The following ACAP1 variants were observed in gnomAD, a reference collection of about 807,000 sequenced individuals.
ACAP1 encodes the protein arf-GAP with coiled-coil, ANK repeat and PH domain-containing protein 1.
In ACAP1, 45 loss-of-function variants were observed where a neutral mutation model predicts 98.8. That is an observed-to-expected ratio of 0.46 (90% confidence interval 0.36 to 0.58). ACAP1 has a LOEUF of 0.58. Among genes scored for constraint, ACAP1 ranks in the 20% least tolerant of loss-of-function variants. ACAP1 has a pLI of 0.00. For missense variants in ACAP1, 735 were observed against 971.4 expected, an observed-to-expected ratio of 0.76 and a Z score of 3.24; for synonymous variants, 362 against 375.3, an observed-to-expected ratio of 0.96 and a Z score of 0.41.
At chr17:7,349,368 C>A (rs1481837221) in intron 18 of ACAP1, 3 of 548,462 alleles carry the variant, frequency 5.5e-6, no homozygotes, top group African/African-American at 3.8e-5. Flanking sequence ...GCTCTCACCT[C>A]TTACAGGAGA....
chr17:7,347,818 G>T (rs1043139921), intron 14 of ACAP1, 104 bp from the exon 15 acceptor site: 14 of 935,320 alleles, frequency 1.5e-5, no homozygotes, highest in Non-Finnish European at 2.4e-5. Context: ...CTCTGCACGG[G>T]CCCCCATGCC....
intron 2 of ACAP1, among the ~76,000 whole-genome samples, chr17:7,338,352 C>T (rs779357902): frequency 1.2e-4 from 19 of 152,068 alleles, no homozygotes; most frequent in Non-Finnish European, 1.6e-4. Flanking sequence ...CTCCCAGGTT[C>T]AAGTGATTCT....
At position 7,343,408 on chromosome 17, in the gene ACAP1, G is replaced by A. The variant is rs746768465; in HGVS notation, c.374G>A (p.Arg125Gln). 13 of 1,613,400 alleles carry A rather than the reference G, an allele frequency of 8.1e-6. No individual in the cohort carries two copies. The highest frequency in any genetic ancestry group is 6.7e-5 in the East Asian group (3 of 44,888). The change falls in exon 6 of 22, where the codon CGG (arginine) becomes CAG (glutamine). Residue 125 changes from arginine (R) to glutamine (Q), a missense_variant. Coordinates refer to ENST00000158762, the MANE Select transcript of ACAP1 (RefSeq NM_014716.4). This position sits in a 1 kb window ranked among gnomAD's most constrained non-coding sequence, Gnocchi z 4.9. Reference sequence around the variant, plus strand: ...CTGCGGGGTTTCCGAGAGGCTCGCCGGGATTTCTGGCGGGGGGCTGAGAGC... The same window carrying A: ...CTGCGGGGTTTCCGAGAGGCTCGCCAGGATTTCTGGCGGGGGGCTGAGAGC... ...EGLRGFREAR[R>Q]DFWRGAESLE...
At chr17:7,338,766 G>A (rs2073245596) in intron 2 of ACAP1, among the ~76,000 whole-genome samples, 1 of 144,182 alleles carries the variant, frequency 6.9e-6, no homozygotes, top group Admixed American at 6.9e-5. Context: ...AGGCTGGTCT[G>A]GAACTCCTGG....
Position 7,347,009 on chromosome 17 carries a change from T to G in ACAP1, c.1132-22T>G. ...TTTACCCTAGGCCCCTTGGCCACCC[T>G]TTCTTCCCCTCTCTCCCCCAGGGCT... On this transcript the variant is annotated intron_variant, in intron 13 of 21. Coordinates refer to ENST00000158762, the MANE Select transcript of ACAP1 (RefSeq NM_014716.4). 3 of 1,569,500 alleles carry G rather than the reference T, an allele frequency of 1.9e-6. No homozygotes were observed. The South Asian group carries it at 3.5e-5, about 18-fold the overall frequency.
At chr17:7,347,600 G>T (rs552716164) in intron 14 of ACAP1, 1 of 537,998 alleles carries the variant, frequency 1.9e-6, no homozygotes, top group Admixed American at 3.3e-5. Flanking sequence ...CCCCACCTCA[G>T]TGTGGTGGAA....
At position 7,336,552 on chromosome 17, in the gene ACAP1, G is replaced by A. The variant is rs1312969723; in HGVS notation, c.-183G>A. On this transcript the variant is annotated 5_prime_UTR_variant, in exon 1 of 22. Coordinates refer to ENST00000158762, the MANE Select transcript of ACAP1 (RefSeq NM_014716.4). ...CCAGCACTGCCTGGAAGTGTGGGGT[G>A]AGAGCTCCTCCTAGGACACCCCTTT... 6.1e-5 allele frequency: 38 copies of A among 618,282 alleles called. No homozygotes were observed. The highest frequency in any genetic ancestry group is 1.5e-4 in the South Asian group (8 of 55,108). 38.3% of individuals were successfully genotyped at this position (618,282 alleles called of 1,614,324 possible).
chr17:7,350,161 C>A lies in ACAP1; in HGVS notation c.1996C>A (p.Leu666Met). ...CCTGTTCCTGAAACGGGGAGCTGAT[C>A]TGGGGGCTCGAGACTCTGAAGGCAG... ...ACLFLKRGAD[L>M]GARDSEGRDP... The change falls in exon 20 of 22, where the codon CTG becomes ATG. Residue 666 changes from leucine (L) to methionine (M), a missense_variant. Physicochemically the swap from Leu to Met is conservative, Grantham distance 15. Around this residue, in one of 5 missense-constraint regions of ACAP1, gnomAD observed 142 missense variants for 224.1 expected, o/e 0.63. Transcript: ENST00000158762. The surrounding 1 kb of genome is among the most constrained non-coding windows in gnomAD (Gnocchi z 4.6). The A allele has an allele frequency of 3.7e-6, 6 of 1,614,226 alleles. No homozygotes were observed. The highest frequency in any genetic ancestry group is 5.1e-6 in the Non-Finnish European group (6 of 1,180,038).
intron 18 of ACAP1, chr17:7,349,438 C>A (rs2073380752): frequency 1.1e-5 from 4 of 358,586 alleles, no homozygotes; most frequent in Non-Finnish European, 2.0e-5. Context: ...TGCAATGGTG[C>A]GATCTCGGCT....
chr17:7,344,521 A>C lies in ACAP1; in HGVS notation c.745-18A>C. On this transcript the variant is annotated intron_variant, in intron 9 of 21. Coordinates refer to ENST00000158762, the MANE Select transcript of ACAP1 (RefSeq NM_014716.4). The surrounding 1 kb of genome is among the most constrained non-coding windows in gnomAD (Gnocchi z 4.9). ...GTCTGCCCATCTCAGTTGCCCTTTGATCCTCTTGTGCCTCCAGGAGCTGGG... is the reference window on the plus strand; with the variant it reads ...GTCTGCCCATCTCAGTTGCCCTTTGCTCCTCTTGTGCCTCCAGGAGCTGGG... 6.5e-7 allele frequency: 1 copy of C among 1,543,100 alleles called. No homozygotes were observed.
rs2073294367 is a variant in ACAP1, at chr17:7,342,409, C to T, written c.286-7C>T. On this transcript the variant is annotated splice_polypyrimidine_tract_variant and splice_region_variant and intron_variant, in intron 4 of 21. Coordinates refer to ENST00000158762, the MANE Select transcript of ACAP1 (RefSeq NM_014716.4). ...GACCCCAGTCTACCAACTTCTCCTTCCCTCAGGAGCTTCTAGATGCCACCC... is the reference window on the plus strand; with the variant it reads ...GACCCCAGTCTACCAACTTCTCCTTTCCTCAGGAGCTTCTAGATGCCACCC... 6.2e-7 allele frequency: 1 copy of T among 1,614,138 alleles called. No individual in the cohort carries two copies. The highest frequency in any genetic ancestry group is 8.5e-7 in the Non-Finnish European group (1 of 1,179,992).
At chr17:7,337,258 G>A in intron 1 of ACAP1, 54 bp from the exon 2 acceptor site, 1 of 1,565,854 alleles carries the variant, frequency 6.4e-7, no homozygotes, top group South Asian at 1.1e-5. Context: ...CGCCTGATGA[G>A]GCAGACAGAC....
At position 7,349,045 on chromosome 17, in the gene ACAP1, C is replaced by A. The variant is rs1364336849; in HGVS notation, c.1729C>A (p.Arg577=). 1 of 1,613,942 alleles carries A rather than the reference C, an allele frequency of 6.2e-7. No homozygotes were observed. Among genetic ancestry groups the A allele is most frequent in the South Asian group, 1.1e-5 (1 of 91,078 alleles). The change falls in exon 18 of 22, where the codon CGA becomes AGA. Residue 577 remains arginine, a synonymous_variant. Transcript: ENST00000158762. ...GSLHPGALLF[R]ASGHPPSLPT... ...CCTGCACCCTGGGGCCCTACTGTTT[C>A]GAGCGTCTGGGCATCCTCCATCTCT...
chr17:7,345,093 G>A (rs1179869173), intron 10 of ACAP1, among the ~76,000 whole-genome samples: 1 of 152,024 alleles, frequency 6.6e-6, no homozygotes, highest in African/African-American at 2.4e-5. Context: ...AGATGAAATC[G>A]GAGCTAATGG....
chr17:7,351,115 C>G (rs2073405323), intron 21 of ACAP1, 116 bp downstream of exon 21: 1 of 1,194,348 alleles, frequency 8.4e-7, no homozygotes. Context: ...TTAACAAATG[C>G]GTATTGGGCG....
chr17:7,342,172 G>A, intron 3 of ACAP1, 103 bp from the exon 4 acceptor site: 1 of 1,609,338 alleles, frequency 6.2e-7, no homozygotes, highest in Non-Finnish European at 8.5e-7. Flanking sequence ...GGCCACAGCA[G>A]GGCTGGGCTG....
intron 14 of ACAP1, 100 bp downstream of exon 14, chr17:7,347,342 G>A: frequency 3.4e-6 from 4 of 1,185,548 alleles, no homozygotes; most frequent in Non-Finnish European, 4.7e-6. Context: ...TCCCTGTCCT[G>A]GCTTCCTCTC....
chr17:7,344,597 T>C lies in ACAP1; in HGVS notation c.803T>C (p.Met268Thr). The change falls in exon 10 of 22, where the codon ATG becomes ACG. Residue 268 changes from methionine (M) to threonine (T), a missense_variant. This residue lies in a region of ACAP1 where 430 missense variants were observed against 531.8 expected (regional missense o/e 0.81). Coordinates refer to ENST00000158762, the MANE Select transcript of ACAP1 (RefSeq NM_014716.4). This position sits in a 1 kb window ranked among gnomAD's most constrained non-coding sequence, Gnocchi z 4.9. ...SLREGPGGLV[M>T]EGHLFKRASN... is the part of the protein sequence containing the mutation. ...AGAGAGGGGCCTGGTGGCCTGGTGA[T>C]GGAAGGACATCTCTTCAAACGGGCC... 2.6e-6 allele frequency: 4 copies of C among 1,551,370 alleles called. No homozygotes were observed. The highest frequency in any genetic ancestry group is 3.5e-6 in the Non-Finnish European group (4 of 1,146,942).
chr17:7,349,355 C>A, intron 18 of ACAP1, 188 bp downstream of exon 18: 2 of 607,574 alleles, frequency 3.3e-6, no homozygotes, highest in Non-Finnish European at 2.8e-6. Context: ...AGTTTGAACC[C>A]AGGCTCTCAC....
Sources: gnomAD v4.1 joint callset for allele counts (sites outside exome capture counted in the v4.1 genomes callset) on GRCh38, gnomAD v4.1.1 for gene constraint, gnomAD v4.1.1 regional missense constraint, Gnocchi (gnomAD v3.1) non-coding constraint, MANE v1.5 for transcripts, NCBI Gene and HGNC (gene_info 2026-07-23, HGNC 2026-07-21) for gene names.